The following ZC3HAV1 variants were observed in gnomAD, a reference collection of about 807,000 sequenced individuals.
ZC3HAV1 encodes the protein zinc finger CCCH-type containing, antiviral 1, also known as zinc finger CCCH-type antiviral protein 1.
ZC3HAV1 carries 41 observed loss-of-function variants against 86.6 expected under a neutral mutation model. The observed-to-expected ratio is 0.47, with a 90% CI of 0.37 to 0.61. ZC3HAV1 has a LOEUF of 0.61. Ranked by LOEUF, ZC3HAV1 falls within the 20% of genes least tolerant of loss-of-function variation. The probability of loss-of-function intolerance (pLI) is 0.00; values close to 1 mark genes in which losing one functional copy is unlikely to be tolerated. For synonymous variants in ZC3HAV1, 421 were observed against 432.1 expected, an observed-to-expected ratio of 0.97 and a Z score of 0.32; for missense variants, 964 against 1,141.1, an observed-to-expected ratio of 0.84 and a Z score of 2.24.
chr7:139,098,103 C>T (rs1457464905), intron 1 of ZC3HAV1, among the ~76,000 whole-genome samples: 1 of 151,986 alleles, frequency 6.6e-6, no homozygotes, highest in Non-Finnish European at 1.5e-5. Context: ...CGCCACCATG[C>T]CCAGCTAAAT....
At chr7:139,067,134 T>C (rs995277333) in intron 7 of ZC3HAV1, among the ~76,000 whole-genome samples, 1 of 150,912 alleles carries the variant, frequency 6.6e-6, no homozygotes, top group Non-Finnish European at 1.5e-5. Context: ...AGGCAAAATT[T>C]CTTTCTTTCT....
chr7:139,071,961 G>A (rs1816786545), intron 7 of ZC3HAV1, among the ~76,000 whole-genome samples: 1 of 152,198 alleles, frequency 6.6e-6, no homozygotes, highest in Non-Finnish European at 1.5e-5. Context: ...TATAGGAGGT[G>A]TTTTTCTCAG....
intron 9 of ZC3HAV1, among the ~76,000 whole-genome samples, chr7:139,059,672 T>C (rs962485249): frequency 1.3e-5 from 2 of 152,060 alleles, no homozygotes; most frequent in Non-Finnish European, 2.9e-5. Flanking sequence ...AATCAGATTC[T>C]AATTCTTGGG....
chr7:139,082,278 A>G (rs1048508473), intron 3 of ZC3HAV1, among the ~76,000 whole-genome samples: 3 of 152,034 alleles, frequency 2.0e-5, no homozygotes, highest in Non-Finnish European at 4.4e-5. Context: ...CAAAACAGGA[A>G]AGAAAAAAAA....
Position 139,079,970 on chromosome 7 carries a change from G to T in ZC3HAV1, c.971C>A (p.Ala324Asp), listed in dbSNP as rs911473187. The change falls in exon 4 of 13, where the codon GCC becomes GAC. Residue 324 changes from alanine (A) to aspartate (D), a missense_variant. Ala to Asp is a moderately radical substitution (Grantham distance 126, BLOSUM62 -2). Coordinates refer to ENST00000242351, the MANE Select transcript of ZC3HAV1 (RefSeq NM_020119.4). ...KATDLGGTSQ[A>D]GTSQRFLENG... is the part of the protein sequence containing the mutation. ...CTCTAAAAACCTCTGGCTTGTCCCG[G>T]CCTGACTTGTTCCTCCAAGATCAGT... 2 of 1,614,004 alleles carry T rather than the reference G, an allele frequency of 1.2e-6. No homozygotes were observed. Among genetic ancestry groups the T allele is most frequent in the Non-Finnish European group, 1.7e-6 (2 of 1,180,040 alleles).
At chr7:139,094,093 A>T (rs1311752249) in intron 1 of ZC3HAV1, among the ~76,000 whole-genome samples, 1 of 152,044 alleles carries the variant, frequency 6.6e-6, no homozygotes, top group Non-Finnish European at 1.5e-5. Context: ...AGAAATGCAA[A>T]TTCTCAGGCC....
chr7:139,053,242 G>A (rs117984053), intron 12 of ZC3HAV1, among the ~76,000 whole-genome samples: 2,093 of 152,226 alleles, frequency 0.014, 18 homozygotes, highest in Non-Finnish European at 0.022. Context: ...ACAGAAGACA[G>A]GGACTAAGGT....
In ZC3HAV1 at chr7:139,108,956, A is replaced by C; in HGVS notation, c.308+68T>G. 6.8e-7 allele frequency: 1 copy of C among 1,471,064 alleles called. No individual in the cohort carries two copies. Among genetic ancestry groups the C allele is most frequent in the Non-Finnish European group, 9.1e-7 (1 of 1,101,324 alleles). 91.1% of individuals were successfully genotyped at this position (1,471,064 alleles called of 1,614,324 possible). On this transcript the variant is annotated intron_variant, in intron 1 of 12. Coordinates refer to ENST00000242351, the MANE Select transcript of ZC3HAV1 (RefSeq NM_020119.4). The surrounding 1 kb of genome is among the most constrained non-coding windows in gnomAD (Gnocchi z 4.2). The stretch of plus-strand genomic sequence containing the variant: ...GGCGAAGCCGTGCCCCTCCCAGAAC[A>C]TTGCCCGCCTGGACAGTCCACCCCG...
intron 2 of ZC3HAV1, among the ~76,000 whole-genome samples, chr7:139,089,343 G>T (rs1400901954): frequency 1.3e-5 from 2 of 152,098 alleles, no homozygotes; most frequent in Non-Finnish European, 2.9e-5. Flanking sequence ...TTGATTTAAA[G>T]CATCAAGTAG....
In ZC3HAV1 at chr7:139,044,408, T is replaced by C. The variant is rs1016423202; in HGVS notation, c.*3186A>G. ...AAACAGCGTAGTCATGCCTGAGCGT[T>C]TACATAATGAAATTCATCTTCTTTT... is the stretch of plus-strand genomic sequence containing the variant. On this transcript the variant is annotated 3_prime_UTR_variant, in exon 13 of 13. Transcript: ENST00000242351. The C allele has an allele frequency of 5.3e-5, 8 of 152,202 alleles. No individual in the cohort carries two copies. In the East Asian group the frequency reaches 1.3e-3, roughly 26 times the overall value. 9.4% of individuals were successfully genotyped at this position (152,202 alleles called of 1,614,324 possible).
chr7:139,072,695 G>C (rs750438954), intron 7 of ZC3HAV1, among the ~76,000 whole-genome samples: 1 of 152,054 alleles, frequency 6.6e-6, no homozygotes, highest in African/African-American at 2.4e-5. Flanking sequence ...GGTCAGCCTA[G>C]GATCTTCTAG....
At chr7:139,093,840 C>T (rs1318158308) in intron 1 of ZC3HAV1, among the ~76,000 whole-genome samples, 8 of 152,166 alleles carry the variant, frequency 5.3e-5, no homozygotes, top group Non-Finnish European at 1.0e-4. Context: ...TACAGACAAG[C>T]TCAGCAGCAT....
At position 139,074,007 on chromosome 7, in the gene ZC3HAV1, A is replaced by G; in HGVS notation, c.1721T>C (p.Ile574Thr). 1 of 1,613,096 alleles carries G rather than the reference A, an allele frequency of 6.2e-7. No individual in the cohort carries two copies. Among genetic ancestry groups the G allele is most frequent in the Non-Finnish European group, 8.5e-7 (1 of 1,179,298 alleles). Residue 574 changes from isoleucine to threonine, a missense_variant, in exon 7 of 13, where the codon ATC becomes ACC. By Grantham distance (89) the Ile-to-Thr change is moderately conservative. Coordinates refer to ENST00000242351, the MANE Select transcript of ZC3HAV1 (RefSeq NM_020119.4). ...ATCACAACTCATTACCCGAAAATTG[A>G]TTGTATAACTTCCTACAGAACAGCT... ...IHLCSVGSYT[I>T]NFRVMSCDSF...
In ZC3HAV1 at chr7:139,108,893, G is replaced by C; in HGVS notation, c.308+131C>G. Reference sequence around the variant, plus strand: ...GGCTCCCAGAGGGGAGCAGAGAAGGGAGTGGCTGGAGGCGGAGGCTGTCAG... The same window carrying C: ...GGCTCCCAGAGGGGAGCAGAGAAGGCAGTGGCTGGAGGCGGAGGCTGTCAG... On this transcript the variant is annotated intron_variant, in intron 1 of 12. Coordinates refer to ENST00000242351, the MANE Select transcript of ZC3HAV1 (RefSeq NM_020119.4). The surrounding 1 kb of genome is among the most constrained non-coding windows in gnomAD (Gnocchi z 4.2). 8.4e-7 allele frequency: 1 copy of C among 1,191,262 alleles called. No individual in the cohort carries two copies. Among genetic ancestry groups the C allele is most frequent in the South Asian group, 1.6e-5 (1 of 62,298 alleles). 73.8% of individuals were successfully genotyped at this position (1,191,262 alleles called of 1,614,324 possible). A position where few individuals can be genotyped will look rare whatever the true frequency, so the allele number is the denominator to read the frequency against.
chr7:139,058,248 T>C (rs1180162272), intron 9 of ZC3HAV1, among the ~76,000 whole-genome samples: 1 of 149,958 alleles, frequency 6.7e-6, no homozygotes, highest in Non-Finnish European at 1.5e-5. Flanking sequence ...ATACAAACTA[T>C]TCCAAGACAG....
chr7:139,055,143 G>T, intron 10 of ZC3HAV1, 62 bp downstream of exon 10: 1 of 1,436,076 alleles, frequency 7.0e-7, no homozygotes, highest in Non-Finnish European at 9.7e-7. Context: ...ACATACACTT[G>T]TAGCAAAGTA....
At chr7:139,051,062 T>C (rs1816107250) in intron 12 of ZC3HAV1, among the ~76,000 whole-genome samples, 1 of 151,864 alleles carries the variant, frequency 6.6e-6, no homozygotes, top group South Asian at 2.1e-4. Context: ...CCTGTTCCTT[T>C]TTTTCTTTTT....
Position 139,104,485 on chromosome 7 carries a change from G to A in ZC3HAV1, c.308+4539C>T, listed in dbSNP as rs576094830. 2.0e-5 allele frequency among the ~76,000 whole-genome samples: 3 copies of A among 151,700 alleles called. No homozygotes were observed. The South Asian group carries it at 6.3e-4, about 32-fold the overall frequency. The stretch of plus-strand genomic sequence containing the variant: ...TCCCAGCACTTTGGGAGGCTGAGGT[G>A]GGCGGATTGCCTGAGCTCAGGAGTT... On this transcript the variant is annotated intron_variant, in intron 1 of 12. Coordinates refer to ENST00000242351, the MANE Select transcript of ZC3HAV1 (RefSeq NM_020119.4).
At chr7:139,047,906 G>T in intron 12 of ZC3HAV1, 53 bp from the exon 13 acceptor site, 2 of 1,556,410 alleles carry the variant, frequency 1.3e-6, no homozygotes, top group South Asian at 2.3e-5. Flanking sequence ...AAGGTATACA[G>T]TTTATAAGAT....
Sources: allele counts gnomAD v4.1 joint callset (sites outside exome capture counted in the v4.1 genomes callset), GRCh38; gene constraint gnomAD v4.1.1; non-coding constraint Gnocchi (gnomAD v3.1); transcripts MANE v1.5; gene names NCBI Gene and HGNC (gene_info 2026-07-23, HGNC 2026-07-21).